Variants in TBL1XR1 observed in about 807,000 individuals in gnomAD.
TBL1XR1 encodes the protein TBL1X/Y related 1.
Under a neutral mutation model 66.9 loss-of-function variants are expected in TBL1XR1, and 5 were observed. The ratio of observed to expected loss-of-function variants is 0.07; its 90% confidence interval spans 0.04 to 0.16. TBL1XR1 has a LOEUF of 0.16. Among genes scored for constraint, TBL1XR1 ranks in the 10% least tolerant of loss-of-function variants. TBL1XR1 has a pLI of 1.00. For synonymous variants in TBL1XR1, 210 were observed against 206.0 expected (o/e 1.02, Z -0.17); for missense variants, 238 against 623.2 (o/e 0.38, Z 6.58).
In TBL1XR1 at chr3:177,131,482, TAAAA is replaced by T. The variant is rs2108787147; in HGVS notation, c.-121-32945_-121-32942del. On this transcript the variant is annotated intron_variant, in intron 1 of 15. Coordinates refer to ENST00000457928, the MANE Select transcript of TBL1XR1 (RefSeq NM_024665.7). ...TTGAGAAAACAAAAAAAAACTAAAT[TAAAA>T]AAACACATTGTCATTCTGAATATCT... 8.8e-6 allele frequency: 6 copies of T among 683,778 alleles called. No individual in the cohort carries two copies. The South Asian group carries it at 3.3e-4, about 38-fold the overall frequency. 42.4% of individuals were successfully genotyped at this position (683,778 alleles called of 1,614,324 possible). A position where few individuals can be genotyped will look rare whatever the true frequency, so the allele number is the denominator to read the frequency against.
chr3:177,090,260 GGTTA>G, intron 2 of TBL1XR1, among the ~76,000 whole-genome samples: 1 of 152,126 alleles, frequency 6.6e-6, no homozygotes, highest in Non-Finnish European at 1.5e-5. Flanking sequence ...TTTAAAACTT[GGTTA>G]CTTACAAAAG....
chr3:177,185,325 C>T (rs1735275064), intron 1 of TBL1XR1, among the ~76,000 whole-genome samples: 3 of 147,448 alleles, frequency 2.0e-5, no homozygotes, highest in Admixed American at 2.0e-4. Context: ...TAGCAGCCAA[C>T]CGGCCAGGGG....
intron 1 of TBL1XR1, among the ~76,000 whole-genome samples, chr3:177,196,769 G>GT (rs1736913425): frequency 6.6e-6 from 1 of 151,788 alleles, no homozygotes; most frequent in African/African-American, 2.4e-5. Flanking sequence ...AAAAGGGGGT[G>GT]TAAATGCACG....
At position 177,112,104 on chromosome 3, in the gene TBL1XR1, TATA is replaced by T. The variant is rs1222921074; in HGVS notation, c.-121-13566_-121-13564del. The stretch of plus-strand genomic sequence containing the variant: ...ATATATATATATATATATATATATA[TATA>T]TTTTTTTTTTTTTTTTTTGTGAGGG... On this transcript the variant is annotated intron_variant, in intron 1 of 15. Coordinates refer to ENST00000457928, the MANE Select transcript of TBL1XR1 (RefSeq NM_024665.7). 5.3e-3 allele frequency among the ~76,000 whole-genome samples: 291 copies of T among 54,886 alleles called. 7 individuals are homozygous for T. Among genetic ancestry groups the T allele is most frequent in the African/African-American group, 0.023 (185 of 7,878 alleles). 36.0% of individuals were successfully genotyped at this position (54,886 alleles called of 152,430 possible). A position where few individuals can be genotyped will look rare whatever the true frequency, so the allele number is the denominator to read the frequency against.
At chr3:177,153,618 T>A (rs551005568) in intron 1 of TBL1XR1, among the ~76,000 whole-genome samples, 1 of 152,236 alleles carries the variant, frequency 6.6e-6, no homozygotes, top group South Asian at 2.1e-4. Context: ...CCAGGCGCGG[T>A]GGCTCACGAC....
intron 1 of TBL1XR1, among the ~76,000 whole-genome samples, chr3:177,144,587 A>G (rs1170360263): frequency 2.6e-5 from 4 of 151,086 alleles, no homozygotes. Flanking sequence ...CCCCATCTCT[A>G]CTTTAGAAAA....
intron 1 of TBL1XR1, among the ~76,000 whole-genome samples, chr3:177,113,832 T>A (rs1360474429): frequency 6.6e-6 from 1 of 152,154 alleles, no homozygotes; most frequent in Non-Finnish European, 1.5e-5. Flanking sequence ...CCAGTCAGTA[T>A]GAACATTATC....
At chr3:177,096,960 G>A (rs1384814682) in intron 2 of TBL1XR1, among the ~76,000 whole-genome samples, 2 of 152,116 alleles carry the variant, frequency 1.3e-5, no homozygotes, top group East Asian at 1.9e-4. Flanking sequence ...GGAAGAGGGT[G>A]AGCAGGATGC....
At chr3:177,143,495 G>C (rs1729872429) in intron 1 of TBL1XR1, among the ~76,000 whole-genome samples, 1 of 152,180 alleles carries the variant, frequency 6.6e-6, no homozygotes. Flanking sequence ...GTGAAGTGAT[G>C]ATGGGGCAGG....
At chr3:177,186,406 AAAAAG>A (rs1175667946) in intron 1 of TBL1XR1, among the ~76,000 whole-genome samples, 7 of 152,078 alleles carry the variant, frequency 4.6e-5, no homozygotes, top group Non-Finnish European at 8.8e-5. Context: ...GTAATTGCAG[AAAAAG>A]AAAAGATAAA....
At chr3:177,087,243 C>G (rs553570253) in intron 2 of TBL1XR1, among the ~76,000 whole-genome samples, 13 of 151,342 alleles carry the variant, frequency 8.6e-5, no homozygotes, top group South Asian at 6.3e-4. Flanking sequence ...AAAAATTAAA[C>G]TAATCAAAAT....
intron 1 of TBL1XR1, among the ~76,000 whole-genome samples, chr3:177,125,382 A>T (rs1302754638): frequency 6.6e-6 from 1 of 152,178 alleles, no homozygotes; most frequent in Non-Finnish European, 1.5e-5. Flanking sequence ...ACAAAAAAAC[A>T]GTGATAAGGG....
At chr3:177,085,824 A>C (rs765017319) in intron 2 of TBL1XR1, among the ~76,000 whole-genome samples, 2 of 152,190 alleles carry the variant, frequency 1.3e-5, no homozygotes, top group South Asian at 2.1e-4. Context: ...CAATCCTATT[A>C]TTCTATGGGT....
chr3:177,099,142 G>T (rs151133762), intron 1 of TBL1XR1, among the ~76,000 whole-genome samples: 2 of 152,066 alleles, frequency 1.3e-5, no homozygotes, highest in African/African-American at 2.4e-5. Flanking sequence ...CGAAGCAGGC[G>T]GATCACCTGA....
chr3:177,161,592 G>C (rs545322109), intron 1 of TBL1XR1, among the ~76,000 whole-genome samples: 1 of 151,992 alleles, frequency 6.6e-6, no homozygotes, highest in African/African-American at 2.4e-5. Context: ...AGACCAGCCT[G>C]GCCAACTTGG....
At chr3:177,193,029 T>G (rs1218677308) in intron 1 of TBL1XR1, among the ~76,000 whole-genome samples, 1 of 151,912 alleles carries the variant, frequency 6.6e-6, no homozygotes, top group Non-Finnish European at 1.5e-5. Context: ...GGCAAGCACC[T>G]GTAATCCCAG....
chr3:177,045,075 C>T (rs1490035019), intron 10 of TBL1XR1: 2 of 152,014 alleles, frequency 1.3e-5, no homozygotes, highest in Admixed American at 6.6e-5. Context: ...TATTCAGATA[C>T]TACAGAAAAA....
At chr3:177,104,163 G>T (rs540907416) in intron 1 of TBL1XR1, among the ~76,000 whole-genome samples, 1 of 148,866 alleles carries the variant, frequency 6.7e-6, no homozygotes, top group South Asian at 2.1e-4. Flanking sequence ...AATTCTACCA[G>T]AATTGACCCT....
At chr3:177,092,651 C>G (rs1722981587) in intron 2 of TBL1XR1, among the ~76,000 whole-genome samples, 1 of 152,004 alleles carries the variant, frequency 6.6e-6, no homozygotes, top group Non-Finnish European at 1.5e-5. Context: ...GTGTAGAACC[C>G]TGTTGCACTA....
Sources: gnomAD v4.1 joint callset for allele counts (sites outside exome capture counted in the v4.1 genomes callset) on GRCh38, gnomAD v4.1.1 for gene constraint, MANE v1.5 for transcripts, NCBI Gene and HGNC (gene_info 2026-07-23, HGNC 2026-07-21) for gene names.